Variants in PDE3B observed in about 807,000 individuals in gnomAD.
PDE3B encodes cGMP-inhibited 3',5'-cyclic phosphodiesterase 3B.
A neutral mutation model predicts 116.8 loss-of-function variants in PDE3B; 66 were observed. The observed-to-expected ratio is 0.56, with a 90% CI of 0.46 to 0.69. PDE3B has a LOEUF of 0.69. PDE3B is among the 30% of genes least tolerant of loss of function. The pLI is 0.00. For synonymous variants in PDE3B, 595 were observed against 533.6 expected (o/e 1.12, Z -1.59); for missense variants, 1,384 against 1,368.1 (o/e 1.01, Z -0.18).
At chr11:14,766,953 G>T (rs1403324546) in intron 1 of PDE3B, among the ~76,000 whole-genome samples, 3 of 151,638 alleles carry the variant, frequency 2.0e-5, no homozygotes, top group Admixed American at 1.3e-4. Flanking sequence ...GCACTTCAGT[G>T]CATTTATCAA....
At chr11:14,674,423 G>T in intron 1 of PDE3B, 1 of 645,888 alleles carries the variant, frequency 1.5e-6, no homozygotes, top group Non-Finnish European at 3.0e-6. Context: ...CCACTGTAAT[G>T]TATAAAGTAT....
Position 14,643,846 on chromosome 11 carries a change from C to A in PDE3B, c.-230C>A. 2.0e-6 allele frequency: 1 copy of A among 499,566 alleles called. No individual in the cohort carries two copies. Among genetic ancestry groups the A allele is most frequent in the Non-Finnish European group, 3.3e-6 (1 of 304,788 alleles). 30.9% of individuals were successfully genotyped at this position (499,566 alleles called of 1,614,324 possible). A position where few individuals can be genotyped will look rare whatever the true frequency, so the allele number is the denominator to read the frequency against. ...GAGGGAAAAGGAGGCGGCAGCTAAA[C>A]TGGTCCTGGAGAGAAGCCCCTTCCG... On this transcript the variant is annotated 5_prime_UTR_variant, in exon 1 of 16. The change creates a new upstream start codon in the 5' untranslated region. Transcript: ENST00000282096.
chr11:14,733,351 T>C (rs1253629082), intron 1 of PDE3B, among the ~76,000 whole-genome samples: 6 of 152,228 alleles, frequency 3.9e-5, no homozygotes, highest in Admixed American at 1.3e-4. Context: ...TCTGTTTCTC[T>C]GTCTCCTGTC....
chr11:14,769,539 G>A (rs1436219436), intron 1 of PDE3B, among the ~76,000 whole-genome samples: 1 of 149,414 alleles, frequency 6.7e-6, no homozygotes, highest in South Asian at 2.1e-4. Flanking sequence ...GCAAGCAGCA[G>A]GACTACTTTT....
chr11:14,707,188 C>G (rs1348092017), intron 1 of PDE3B, among the ~76,000 whole-genome samples: 1 of 151,826 alleles, frequency 6.6e-6, no homozygotes, highest in Non-Finnish European at 1.5e-5. Flanking sequence ...TTATAGAAAG[C>G]CTTTGTGAGA....
At chr11:14,778,810 C>T (rs573099838) in intron 2 of PDE3B, among the ~76,000 whole-genome samples, 37 of 152,294 alleles carry the variant, frequency 2.4e-4, no homozygotes, top group South Asian at 1.4e-3. Flanking sequence ...CAAAGCTGGA[C>T]GGAGAATGAC....
rs776974195 is a variant in PDE3B, at chr11:14,771,921, G to A, written c.979-16G>A. On this transcript the variant is annotated splice_polypyrimidine_tract_variant and intron_variant, in intron 1 of 15. Coordinates refer to ENST00000282096, the MANE Select transcript of PDE3B (RefSeq NM_000922.4). ...GTTTATTTTTGGTTTGTAACCAAGT[G>A]AATTTTTTTTTCTAGATGATTCTTT... 8.7e-6 allele frequency: 11 copies of A among 1,260,742 alleles called. No individual in the cohort carries two copies. The South Asian group carries it at 1.9e-4, about 21-fold the overall frequency. 78.1% of individuals were successfully genotyped at this position (1,260,742 alleles called of 1,614,324 possible).
intron 1 of PDE3B, among the ~76,000 whole-genome samples, chr11:14,726,965 A>T (rs1451806598): frequency 6.6e-6 from 1 of 152,124 alleles, no homozygotes; most frequent in Non-Finnish European, 1.5e-5. Flanking sequence ...CTGAATTTGC[A>T]ATTCATTCAT....
intron 1 of PDE3B, among the ~76,000 whole-genome samples, chr11:14,721,926 TAAAA>T: frequency 8.6e-6 from 1 of 116,520 alleles, no homozygotes; most frequent in African/African-American, 3.2e-5. Context: ...AAAGTATAAT[TAAAA>T]AAAAAAAAAA....
intron 7 of PDE3B, among the ~76,000 whole-genome samples, chr11:14,828,169 TAAAGA>T (rs1216935246): frequency 1.3e-5 from 2 of 152,138 alleles, no homozygotes; most frequent in Non-Finnish European, 2.9e-5. Flanking sequence ...AAAAATCAAC[TAAAGA>T]TGGTTTAAAG....
chr11:14,842,237 G>C (rs545402987), intron 11 of PDE3B, among the ~76,000 whole-genome samples: 1 of 152,054 alleles, frequency 6.6e-6, no homozygotes, highest in Non-Finnish European at 1.5e-5. Flanking sequence ...TTTCTGAAAC[G>C]AAGTGAATAA....
rs148310203 is a variant in PDE3B, at chr11:14,815,888, G to T, written c.1523-2295G>T. On this transcript the variant is annotated intron_variant, in intron 5 of 15. Coordinates refer to ENST00000282096, the MANE Select transcript of PDE3B (RefSeq NM_000922.4). ...GGAAATTAAAAAGTAAAGGTACGGT[G>T]CTCTTTTATTTATCATCAGATTGGC... 1.4e-3 allele frequency among the ~76,000 whole-genome samples: 211 copies of T among 151,962 alleles called. 1 individual carries two copies. The highest frequency in any genetic ancestry group is 4.6e-3 in the African/African-American group (192 of 41,456).
Position 14,789,196 on chromosome 11 carries a change from G to C in PDE3B, c.1369G>C (p.Asp457His). The part of the protein sequence containing the change: ...LLPVEQSSRW[D>H]RNNGKRPHQE... The stretch of plus-strand genomic sequence containing the variant: ...ACCTGTTGAACAGTCTTCAAGGTGG[G>C]ATCGTAATAATGGCAAAAGACCTCA... The change falls in exon 4 of 16, where the codon GAT (aspartate) becomes CAT (histidine). Residue 457 changes from aspartate to histidine, a missense_variant. This residue lies in a region of PDE3B where 956 missense variants were observed against 806.8 expected (regional missense o/e 1.18). Coordinates refer to ENST00000282096, the MANE Select transcript of PDE3B (RefSeq NM_000922.4). 6.2e-7 allele frequency: 1 copy of C among 1,610,750 alleles called. No individual in the cohort carries two copies. Among genetic ancestry groups the C allele is most frequent in the South Asian group, 1.1e-5 (1 of 90,846 alleles).
Position 14,869,530 on chromosome 11 carries a change from A to T in PDE3B, c.3209A>T (p.Lys1070Met). 1 of 1,613,932 alleles carries T rather than the reference A, an allele frequency of 6.2e-7. No homozygotes were observed. Among genetic ancestry groups the T allele is most frequent in the South Asian group, 1.1e-5 (1 of 91,046 alleles). Reference protein sequence around the residue: ...QLMHHLTENHKIWKEIVEEEE... With the variant: ...QLMHHLTENHMIWKEIVEEEE... ...ATGCACCACCTCACTGAAAACCACA[A>T]GATATGGAAGGAAATCGTAGAGGAA... Residue 1070 changes from lysine to methionine, a missense_variant, in exon 16 of 16, where the codon AAG (lysine) becomes ATG (methionine). Coordinates refer to ENST00000282096, the MANE Select transcript of PDE3B (RefSeq NM_000922.4).
chr11:14,892,163 C>T, the PDE3B span: 3 of 1,610,752 alleles, frequency 1.9e-6, no homozygotes, highest in Non-Finnish European at 2.5e-6. Context: ...AGCGCGCCGC[C>T]GAGCGCCGCC....
At chr11:14,743,566 G>T (rs1334671911) in intron 1 of PDE3B, among the ~76,000 whole-genome samples, 1 of 152,200 alleles carries the variant, frequency 6.6e-6, no homozygotes, top group Non-Finnish European at 1.5e-5. Flanking sequence ...CCAGGGTAGT[G>T]AACAGTTTTG....
Position 14,652,656 on chromosome 11 carries a change from G to A in PDE3B, c.978+7603G>A, listed in dbSNP as rs553185876. 2.0e-5 allele frequency among the ~76,000 whole-genome samples: 3 copies of A among 152,238 alleles called. No individual in the cohort carries two copies. In the South Asian group the frequency reaches 6.2e-4, roughly 32 times the overall value. ...ATCTCCCTATCTTTTCCATCTTGCAGAACTGACACTCTATACTCATTAAAT... is the reference window on the plus strand; with the variant it reads ...ATCTCCCTATCTTTTCCATCTTGCAAAACTGACACTCTATACTCATTAAAT... On this transcript the variant is annotated intron_variant, in intron 1 of 15. Coordinates refer to ENST00000282096, the MANE Select transcript of PDE3B (RefSeq NM_000922.4).
At chr11:14,747,750 T>A (rs1161981522) in intron 1 of PDE3B, among the ~76,000 whole-genome samples, 1 of 152,168 alleles carries the variant, frequency 6.6e-6, no homozygotes, top group Non-Finnish European at 1.5e-5. Flanking sequence ...TTAAAATATT[T>A]CTTATTTTTT....
At chr11:14,887,580 TATA>T in the PDE3B span, 1 of 984,780 alleles carries the variant, frequency 1.0e-6, no homozygotes, top group Non-Finnish European at 1.2e-6. Context: ...ATGGGCTAAT[TATA>T]ATGCTGGCAG....
Sources: allele counts gnomAD v4.1 joint callset (sites outside exome capture counted in the v4.1 genomes callset), GRCh38; gene constraint gnomAD v4.1.1; regional missense constraint gnomAD v4.1.1; transcripts MANE v1.5; gene names NCBI Gene and HGNC (gene_info 2026-07-23, HGNC 2026-07-21).